Variants in TNFRSF10C observed in about 807,000 individuals in gnomAD.
TNFRSF10C encodes TNF receptor superfamily member 10c, also known as tumor necrosis factor receptor superfamily member 10C.
TNFRSF10C carries 17 observed loss-of-function variants against 16.7 expected under a neutral mutation model. The ratio of observed to expected loss-of-function variants is 1.02; its 90% confidence interval spans 0.70 to 1.53. TNFRSF10C has a LOEUF of 1.53. TNFRSF10C is among the 40% of genes most tolerant of loss of function. TNFRSF10C has a pLI of 0.00. For synonymous variants in TNFRSF10C, 73 were observed against 119.7 expected (o/e 0.61, Z 2.55); for missense variants, 237 against 329.7 (o/e 0.72, Z 2.18).
chr8:23,117,158 C>T lies in TNFRSF10C; in HGVS notation c.*127C>T. The T allele has an allele frequency of 7.2e-7, 1 of 1,380,626 alleles. No homozygotes were observed. The highest frequency in any genetic ancestry group is 9.8e-7 in the Non-Finnish European group (1 of 1,022,006). 85.5% of individuals were successfully genotyped at this position (1,380,626 alleles called of 1,614,324 possible). On this transcript the variant is annotated 3_prime_UTR_variant, in exon 5 of 5. Transcript: ENST00000356864. ...GCTGTGTTCCCACAGACAGAAACGCCTGCCCCTGCCCCAAGTCCTGGTGTC... is the reference window on the plus strand; with the variant it reads ...GCTGTGTTCCCACAGACAGAAACGCTTGCCCCTGCCCCAAGTCCTGGTGTC...
rs138041234 is a variant in TNFRSF10C at position 23,116,946 on chromosome 8, C to T, written c.695C>T (p.Pro232Leu). The T allele has an allele frequency of 2.5e-6, 4 of 1,611,806 alleles. No homozygotes were observed. The highest frequency in any genetic ancestry group is 2.5e-6 in the Non-Finnish European group (3 of 1,178,656). Residue 232 changes from proline to leucine, a missense_variant, in exon 5 of 5, where the codon CCG (proline) becomes CTG (leucine). Pro to Leu is a moderately conservative substitution (Grantham distance 98). This residue lies in a region of TNFRSF10C where 25 missense variants were observed against 133.0 expected (regional missense o/e 0.19). Transcript: ENST00000356864. ...GCTGAAGAGACAATGATCACCAGCC[C>T]GGGGACTCCTGCCTCTTCTCATTAC... ...PAAEETMITS[P>L]GTPASSHYLS...
rs565554302 is a variant in TNFRSF10C at position 23,114,061 on chromosome 8, C to T, written c.167-596C>T. Among the ~76,000 whole-genome samples the T allele has an allele frequency of 9.9e-4, 151 of 152,060 alleles. 4 individuals are homozygous for T. In the South Asian group the frequency reaches 0.031, roughly 31 times the overall value. Reference sequence around the variant, plus strand: ...GAGATAGACAAGGTTGGTGGGGCCTCTCGGGGATGGTGATTTGGGCTGATA... The same window carrying T: ...GAGATAGACAAGGTTGGTGGGGCCTTTCGGGGATGGTGATTTGGGCTGATA... On this transcript the variant is annotated intron_variant, in intron 2 of 4. Transcript: ENST00000356864.
chr8:23,108,459 G>A (rs917070594), intron 1 of TNFRSF10C, among the ~76,000 whole-genome samples: 9 of 152,250 alleles, frequency 5.9e-5, no homozygotes, highest in East Asian at 1.9e-4. Flanking sequence ...CCTGATGGTC[G>A]CCCAACACTG....
intron 2 of TNFRSF10C, among the ~76,000 whole-genome samples, chr8:23,114,161 C>T (rs1199898917): frequency 6.6e-6 from 1 of 152,012 alleles, no homozygotes; most frequent in Non-Finnish European, 1.5e-5. Context: ...GGAATGAGAA[C>T]CCCAGGTTTC....
intron 1 of TNFRSF10C, among the ~76,000 whole-genome samples, chr8:23,109,745 A>C (rs1415534968): frequency 6.6e-6 from 1 of 152,172 alleles, no homozygotes; most frequent in East Asian, 1.9e-4. Context: ...AAGGAGCATA[A>C]ATCAAAGAAT....
intron 1 of TNFRSF10C, among the ~76,000 whole-genome samples, chr8:23,108,019 G>C (rs1263732475): frequency 3.3e-5 from 5 of 152,198 alleles, no homozygotes; most frequent in Admixed American, 3.3e-4. Context: ...GTTGAAGGCG[G>C]CGAATCCGTA....
chr8:23,109,991 G>C (rs1289438963), intron 1 of TNFRSF10C, among the ~76,000 whole-genome samples: 1 of 140,176 alleles, frequency 7.1e-6, no homozygotes, highest in East Asian at 2.3e-4. Context: ...AGGCAGAGGA[G>C]GCAAAGGTTG....
At chr8:23,107,780 T>C (rs147815085) in intron 1 of TNFRSF10C, among the ~76,000 whole-genome samples, 2,394 of 152,342 alleles carry the variant, frequency 0.016, 56 homozygotes, top group African/African-American at 0.053. Context: ...CACTGAGCAC[T>C]ACAGTTCAAT....
In TNFRSF10C at chr8:23,115,539, C is replaced by T. The variant is rs759894144; in HGVS notation, c.312C>T (p.Thr104=). The T allele has an allele frequency of 6.2e-6, 10 of 1,613,250 alleles. No individual in the cohort carries two copies. In the South Asian group the frequency reaches 1.1e-4, roughly 18 times the overall value. The change falls in exon 4 of 5, where the codon ACC becomes ACT. Residue 104 remains threonine (T), a synonymous_variant. Transcript: ENST00000356864. ...DQKHKSSCTM[T]RDTVCQCKEG... ...AACATAAAAGTTCCTGCACCATGAC[C>T]AGAGACACAGTGTGTCAGTGTAAAG...
intron 1 of TNFRSF10C, among the ~76,000 whole-genome samples, chr8:23,106,415 G>GCCC (rs1217456038): frequency 4.7e-5 from 7 of 147,498 alleles, no homozygotes; most frequent in African/African-American, 1.6e-4. Context: ...TCCTTTAGAT[G>GCCC]CCCCCCCACC....
intron 4 of TNFRSF10C, among the ~76,000 whole-genome samples, chr8:23,116,350 A>T (rs1371755094): frequency 6.6e-6 from 1 of 152,138 alleles, no homozygotes; most frequent in Non-Finnish European, 1.5e-5. Context: ...CTTCCCCTGG[A>T]GTGTGGCTCC....
rs537354620 is a variant in TNFRSF10C, at chr8:23,111,777, G to C, written c.118G>C (p.Ala40Pro). ...RQEEVPQQTVAPQQQRHSFKG... is the reference protein window; with the variant it reads ...RQEEVPQQTVPPQQQRHSFKG... ...GGAGGAAGTTCCCCAGCAGACAGTGGCCCCACAGCAACAGAGGCACAGCTT... is the reference window on the plus strand; with the variant it reads ...GGAGGAAGTTCCCCAGCAGACAGTGCCCCCACAGCAACAGAGGCACAGCTT... Residue 40 changes from alanine to proline, a missense_variant, in exon 2 of 5, where the codon GCC (alanine) becomes CCC (proline). Around this residue, in one of 2 missense-constraint regions of TNFRSF10C, gnomAD observed 212 missense variants for 196.8 expected, o/e 1.08. Transcript: ENST00000356864. 29 of 1,614,100 alleles carry C rather than the reference G, an allele frequency of 1.8e-5. No individual in the cohort carries two copies. The South Asian group carries it at 2.9e-4, about 16-fold the overall frequency.
At chr8:23,107,480 A>G (rs1299904037) in intron 1 of TNFRSF10C, among the ~76,000 whole-genome samples, 2 of 152,208 alleles carry the variant, frequency 1.3e-5, no homozygotes, top group African/African-American at 2.4e-5. Context: ...AAAAATGTAC[A>G]CTTTGTTTCA....
At chr8:23,107,138 T>C (rs962816294) in intron 1 of TNFRSF10C, among the ~76,000 whole-genome samples, 1 of 151,182 alleles carries the variant, frequency 6.6e-6, no homozygotes, top group Non-Finnish European at 1.5e-5. Flanking sequence ...AGCCCAGGAG[T>C]TCAAGACCAG....
At position 23,116,696 on chromosome 8, in the gene TNFRSF10C, T is replaced by C; in HGVS notation, c.445T>C (p.Cys149Arg). The stretch of plus-strand genomic sequence containing the variant: ...TTGTACGTCCTGGGATGATATCCAG[T>C]GTGTTGAAGAATTTGGTGCCAATGC... ...SNCTSWDDIQ[C>R]VEEFGANATV... Residue 149 changes from cysteine to arginine, a missense_variant, in exon 5 of 5, where the codon TGT (cysteine) becomes CGT (arginine). Transcript: ENST00000356864. 6.2e-7 allele frequency: 1 copy of C among 1,614,122 alleles called. No individual in the cohort carries two copies.
At chr8:23,110,923 G>A (rs949098754) in intron 1 of TNFRSF10C, among the ~76,000 whole-genome samples, 11 of 152,270 alleles carry the variant, frequency 7.2e-5, no homozygotes, top group African/African-American at 2.6e-4. Context: ...GCTCATATGT[G>A]TGTGGTTTTT....
chr8:23,103,251 G>T (rs1449432754), intron 1 of TNFRSF10C, 70 bp downstream of exon 1: 5 of 1,570,492 alleles, frequency 3.2e-6, no homozygotes, highest in Non-Finnish European at 4.3e-6. Context: ...GGGAGACGGG[G>T]ACACGGCAGG....
At chr8:23,112,462 C>T (rs1185816556) in intron 2 of TNFRSF10C, among the ~76,000 whole-genome samples, 2 of 152,222 alleles carry the variant, frequency 1.3e-5, no homozygotes, top group African/African-American at 4.8e-5. Context: ...CTTTGACTAA[C>T]ATCTCCCCAT....
At chr8:23,104,162 C>T (rs1300452088) in intron 1 of TNFRSF10C, among the ~76,000 whole-genome samples, 1 of 152,212 alleles carries the variant, frequency 6.6e-6, no homozygotes, top group Non-Finnish European at 1.5e-5. Context: ...AGAGAGAATG[C>T]ATGGATGACC....
Sources: gnomAD v4.1 joint callset for allele counts (sites outside exome capture counted in the v4.1 genomes callset) on GRCh38, gnomAD v4.1.1 for gene constraint, gnomAD v4.1.1 regional missense constraint, MANE v1.5 for transcripts, NCBI Gene and HGNC (gene_info 2026-07-23, HGNC 2026-07-21) for gene names.